Variants in DHRSX observed in about 807,000 individuals in gnomAD.
The protein encoded by DHRSX is polyprenol dehydrogenase.
DHRSX carries 31 observed loss-of-function variants against 34.0 expected under a neutral mutation model. The ratio of observed to expected loss-of-function variants is 0.91; its 90% CI spans 0.69 to 1.23. The LOEUF (loss-of-function observed/expected upper bound fraction) is 1.23, where lower values mean the gene tolerates loss of function less well. Among genes scored for constraint, DHRSX ranks in the 50% most tolerant of loss-of-function variants. DHRSX has a pLI of 0.00. For missense variants in DHRSX, 414 were observed against 428.1 expected (o/e 0.97, Z 0.29); for synonymous variants, 201 against 183.8 (o/e 1.09, Z -0.76).
chrX:2,334,334 T>C (rs1223016880), intron 3 of DHRSX: 3 of 151,888 alleles, frequency 2.0e-5, no homozygotes, highest in East Asian at 1.9e-4. Context: ...CTGGCTAATA[T>C]TGGTATTTTT....
chrX:2,411,329 T>C lies in DHRSX; in HGVS notation c.218-2516A>G, dbSNP rs147744253. Among the ~76,000 whole-genome samples, 472 of 151,960 alleles carry C rather than the reference T, an allele frequency of 3.1e-3. 1 individual carries two copies. Among genetic ancestry groups the C allele is most frequent in the African/African-American group, 9.3e-3 (387 of 41,430 alleles). On this transcript the variant is annotated intron_variant, in intron 2 of 6. Transcript: ENST00000334651. ...GATTTGGGAAGCCGAGGCAAGCGGA[T>C]CACGAGGTCAGGAGTTCAAGACCAG... is the stretch of plus-strand genomic sequence containing the variant.
intron 1 of DHRSX, chrX:2,489,386 C>T (rs199940711): frequency 1.2e-6 from 2 of 1,613,956 alleles, no homozygotes; most frequent in East Asian, 4.5e-5. Context: ...CTTGGCCATG[C>T]TGAGCTCCTT....
intron 1 of DHRSX, among the ~76,000 whole-genome samples, chrX:2,446,823 G>C (rs1477287216): frequency 6.6e-6 from 1 of 152,020 alleles, no homozygotes; most frequent in Non-Finnish European, 1.5e-5. Flanking sequence ...CCCTAAGAAA[G>C]CAGCCAAGGG....
chrX:2,253,122 A>G (rs915556731), intron 5 of DHRSX, among the ~76,000 whole-genome samples: 6 of 152,266 alleles, frequency 3.9e-5, no homozygotes, highest in Admixed American at 3.9e-4. Flanking sequence ...TGGGAGGCGC[A>G]CATGGCAGCA....
chrX:2,332,268 C>T (rs1406140585), intron 3 of DHRSX, among the ~76,000 whole-genome samples: 7 of 152,140 alleles, frequency 4.6e-5, no homozygotes, highest in Admixed American at 3.9e-4. Context: ...TGAATGGGTC[C>T]TGTGAAGCTC....
chrX:2,385,909 A>G (rs1447516942), intron 3 of DHRSX, among the ~76,000 whole-genome samples: 2 of 152,108 alleles, frequency 1.3e-5, no homozygotes, highest in Non-Finnish European at 2.9e-5. Flanking sequence ...AGATTTTTGG[A>G]TAAATGGCCA....
intron 3 of DHRSX, among the ~76,000 whole-genome samples, chrX:2,396,812 C>T (rs1212533822): frequency 6.0e-5 from 9 of 148,818 alleles, no homozygotes; most frequent in Non-Finnish European, 1.3e-4. Context: ...TTGCCCAGGC[C>T]GGAGCGCAAT....
intron 3 of DHRSX, among the ~76,000 whole-genome samples, chrX:2,394,190 G>A (rs774045504): frequency 3.3e-5 from 5 of 152,300 alleles, no homozygotes; most frequent in Non-Finnish European, 7.4e-5. Context: ...CAGACAGGGC[G>A]CCGGAGGAGA....
chrX:2,430,625 C>G (rs1370635208), intron 1 of DHRSX, among the ~76,000 whole-genome samples: 1 of 152,126 alleles, frequency 6.6e-6, no homozygotes, highest in African/African-American at 2.4e-5. Context: ...AAGCCTTCCT[C>G]CACTCTTCTG....
intron 6 of DHRSX, among the ~76,000 whole-genome samples, chrX:2,236,810 C>T (rs998195485): frequency 1.3e-5 from 2 of 150,774 alleles, no homozygotes; most frequent in African/African-American, 2.4e-5. Flanking sequence ...TTTGCTGCAG[C>T]GGAGACTGTA....
chrX:2,475,669 C>T (rs1334333326), intron 1 of DHRSX, among the ~76,000 whole-genome samples: 1 of 147,014 alleles, frequency 6.8e-6, no homozygotes, highest in Non-Finnish European at 1.5e-5. Flanking sequence ...ACACACTGAA[C>T]ACGTTCCCTA....
At chrX:2,358,681 G>A (rs1425092704) in intron 3 of DHRSX, among the ~76,000 whole-genome samples, 1 of 152,120 alleles carries the variant, frequency 6.6e-6, no homozygotes, top group Admixed American at 6.6e-5. Context: ...TTTCATAGAC[G>A]AGGAAAATGA....
At chrX:2,276,414 G>A (rs2041649222) in intron 4 of DHRSX, among the ~76,000 whole-genome samples, 1 of 152,108 alleles carries the variant, frequency 6.6e-6, no homozygotes, top group Non-Finnish European at 1.5e-5. Flanking sequence ...ATTGATCTGC[G>A]AATCGAAAGG....
intron 2 of DHRSX, among the ~76,000 whole-genome samples, chrX:2,418,887 T>C (rs2043732655): frequency 6.7e-6 from 1 of 149,616 alleles, no homozygotes; most frequent in Non-Finnish European, 1.5e-5. Flanking sequence ...TTGCCATCCA[T>C]CACCACCTCA....
At chrX:2,269,510 G>T (rs977760513) in intron 4 of DHRSX, among the ~76,000 whole-genome samples, 1 of 152,110 alleles carries the variant, frequency 6.6e-6, no homozygotes, top group Non-Finnish European at 1.5e-5. Context: ...TTATGTGCTT[G>T]TATGTGTGTG....
At chrX:2,385,028 G>A (rs764448236) in intron 3 of DHRSX, among the ~76,000 whole-genome samples, 7 of 152,116 alleles carry the variant, frequency 4.6e-5, no homozygotes, top group African/African-American at 1.7e-4. Context: ...GCTTGAGCCT[G>A]GAAGGCGGAG....
At chrX:2,453,227 C>G (rs1176698792) in intron 1 of DHRSX, among the ~76,000 whole-genome samples, 1 of 152,016 alleles carries the variant, frequency 6.6e-6, no homozygotes, top group Non-Finnish European at 1.5e-5. Context: ...AAGTGTTTGT[C>G]AAAGAACACA....
At chrX:2,355,474 T>C (rs1485418866) in intron 3 of DHRSX, among the ~76,000 whole-genome samples, 1 of 124,426 alleles carries the variant, frequency 8.0e-6, no homozygotes, top group Admixed American at 1.1e-4. Flanking sequence ...ATGGTGCCAC[T>C]GCACTCCTGC....
chrX:2,398,850 A>G (rs2043446942), intron 3 of DHRSX, among the ~76,000 whole-genome samples: 1 of 148,150 alleles, frequency 6.7e-6, no homozygotes, highest in Non-Finnish European at 1.5e-5. Flanking sequence ...TTGTATTTCT[A>G]TTTATTTGTT....
Sources: gnomAD v4.1 joint callset for allele counts (sites outside exome capture counted in the v4.1 genomes callset) on GRCh38, gnomAD v4.1.1 for gene constraint, MANE v1.5 for transcripts, NCBI Gene and HGNC (gene_info 2026-07-23, HGNC 2026-07-21) for gene names.